RALYL: variants seen among roughly 807,000 people sequenced by gnomAD.
The protein encoded by RALYL is RALY RNA binding protein like.
A neutral mutation model predicts 35.1 loss-of-function variants in RALYL; 29 were observed. The ratio of observed to expected loss-of-function variants is 0.83; its 90% CI spans 0.61 to 1.13. The LOEUF (loss-of-function observed/expected upper bound fraction) is 1.13, where lower values mean the gene tolerates loss of function less well. RALYL is among the 50% of genes most tolerant of loss of function. The pLI, the probability that RALYL is intolerant of heterozygous loss-of-function variation, is 0.00. For synonymous variants in RALYL, 120 were observed against 127.6 expected (o/e 0.94, Z 0.40); for missense variants, 359 against 360.4 (o/e 1.00, Z 0.03).
At chr8:84,585,134 T>A (rs1022175276) in intron 2 of RALYL, among the ~76,000 whole-genome samples, 3 of 152,218 alleles carry the variant, frequency 2.0e-5, no homozygotes, top group Non-Finnish European at 4.4e-5. Flanking sequence ...GTATTTTTTT[T>A]AATAATGGTG....
intron 2 of RALYL, among the ~76,000 whole-genome samples, chr8:84,541,514 A>G (rs1240484202): frequency 6.6e-6 from 1 of 152,030 alleles, no homozygotes; most frequent in African/African-American, 2.4e-5. Flanking sequence ...TTAGTGTTCT[A>G]TATGCAGTTG....
chr8:84,780,961 T>C (rs1467553159), intron 3 of RALYL, among the ~76,000 whole-genome samples: 1 of 152,112 alleles, frequency 6.6e-6, no homozygotes, highest in Non-Finnish European at 1.5e-5. Context: ...CAGGTTCGAG[T>C]GATCTTCCCA....
At chr8:84,801,644 T>C (rs572503875) in intron 3 of RALYL, among the ~76,000 whole-genome samples, 1 of 152,300 alleles carries the variant, frequency 6.6e-6, no homozygotes, top group South Asian at 2.1e-4. Flanking sequence ...AGTATTCTGG[T>C]ATAGATATAT....
At chr8:84,782,025 A>ACG (rs939492590) in intron 3 of RALYL, among the ~76,000 whole-genome samples, 8 of 134,218 alleles carry the variant, frequency 6.0e-5, no homozygotes, top group East Asian at 2.0e-4. Flanking sequence ...TGCTGTGCAC[A>ACG]CGCGCGCACA....
chr8:84,231,727 G>C (rs1344493717), intron 1 of RALYL, among the ~76,000 whole-genome samples: 2 of 152,068 alleles, frequency 1.3e-5, no homozygotes, highest in African/African-American at 2.4e-5. Context: ...TGTAGTTGTT[G>C]GGTTATCATT....
At chr8:84,372,899 T>TGTTTTGTTTTG (rs1344104885) in intron 1 of RALYL, among the ~76,000 whole-genome samples, 5 of 137,252 alleles carry the variant, frequency 3.6e-5, no homozygotes, top group South Asian at 2.3e-4. Flanking sequence ...TTTTTTTTTT[T>TGTTTTGTTTTG]TTTTTTTTTT....
At chr8:84,862,712 G>A (rs901306661) in intron 6 of RALYL, among the ~76,000 whole-genome samples, 3 of 152,156 alleles carry the variant, frequency 2.0e-5, no homozygotes, top group Non-Finnish European at 4.4e-5. Context: ...AAATAACACT[G>A]TGCTCTTGGC....
chr8:84,867,425 C>T (rs1839373578), intron 6 of RALYL, among the ~76,000 whole-genome samples: 1 of 152,150 alleles, frequency 6.6e-6, no homozygotes, highest in African/African-American at 2.4e-5. Context: ...GACATCACTA[C>T]TATTTTTGCT....
At chr8:84,517,233 C>G (rs953543997) in intron 1 of RALYL, among the ~76,000 whole-genome samples, 3 of 152,058 alleles carry the variant, frequency 2.0e-5, no homozygotes, top group Non-Finnish European at 4.4e-5. Context: ...AGAGAATATG[C>G]ATAAAATATG....
At chr8:84,268,577 T>C (rs1431124440) in intron 1 of RALYL, among the ~76,000 whole-genome samples, 1 of 152,210 alleles carries the variant, frequency 6.6e-6, no homozygotes, top group Non-Finnish European at 1.5e-5. Flanking sequence ...AACACAGAAA[T>C]ACCTCTTTTA....
intron 1 of RALYL, among the ~76,000 whole-genome samples, chr8:84,317,273 G>T (rs753280631): frequency 3.9e-5 from 6 of 152,066 alleles, no homozygotes; most frequent in Non-Finnish European, 8.8e-5. Flanking sequence ...TGACCTTAAG[G>T]ATATTAAATC....
At chr8:84,882,341 A>G (rs1166311912) in intron 7 of RALYL, among the ~76,000 whole-genome samples, 1 of 151,964 alleles carries the variant, frequency 6.6e-6, no homozygotes, top group Non-Finnish European at 1.5e-5. Context: ...AAGACTTCAC[A>G]TTTCATTTTT....
intron 1 of RALYL, among the ~76,000 whole-genome samples, chr8:84,256,916 T>C (rs1031674945): frequency 1.9e-4 from 29 of 152,086 alleles, no homozygotes; most frequent in African/African-American, 7.0e-4. Flanking sequence ...GTCTCGCTAA[T>C]ATTATCTATT....
At chr8:84,491,877 T>G (rs1370695500) in intron 1 of RALYL, among the ~76,000 whole-genome samples, 2 of 151,930 alleles carry the variant, frequency 1.3e-5, no homozygotes, top group Non-Finnish European at 2.9e-5. Flanking sequence ...CAATTTTATG[T>G]TTTTATTGGA....
rs143051418 is a variant in RALYL at position 84,838,982 on chromosome 8, G to A, written c.366-10998G>A. ...AAAATTATAAAAACAATTTGGGGGCGGCAGGTGGGGCCAAGATGGCCAAAT... is the reference window on the plus strand; with the variant it reads ...AAAATTATAAAAACAATTTGGGGGCAGCAGGTGGGGCCAAGATGGCCAAAT... On this transcript the variant is annotated intron_variant, in intron 4 of 8. Transcript: ENST00000521268. 4.1e-4 allele frequency among the ~76,000 whole-genome samples: 62 copies of A among 152,194 alleles called. 1 individual carries two copies. Among genetic ancestry groups the A allele is most frequent in the Middle Eastern group, 6.8e-3 (2 of 294 alleles).
chr8:84,855,968 G>T (rs145407578), intron 5 of RALYL, among the ~76,000 whole-genome samples: 1 of 152,118 alleles, frequency 6.6e-6, no homozygotes, highest in Non-Finnish European at 1.5e-5. Context: ...TGCAGTTAAC[G>T]CAAGAACACT....
chr8:84,504,527 T>TA (rs2056995506), intron 1 of RALYL, among the ~76,000 whole-genome samples: 2 of 152,298 alleles, frequency 1.3e-5, no homozygotes, highest in Admixed American at 6.5e-5. Context: ...TCAAATATTC[T>TA]AAAAATATTA....
chr8:84,919,010 T>C (rs1848910019), intron 8 of RALYL, among the ~76,000 whole-genome samples: 2 of 152,060 alleles, frequency 1.3e-5, no homozygotes, highest in African/African-American at 4.8e-5. Context: ...GGTTGTTTTT[T>C]TCATCTTAAC....
At chr8:84,496,701 A>G (rs2056066639) in intron 1 of RALYL, among the ~76,000 whole-genome samples, 1 of 152,074 alleles carries the variant, frequency 6.6e-6, no homozygotes, top group South Asian at 2.1e-4. Flanking sequence ...TCTATCATCT[A>G]TCTATCATCA....
Sources: gnomAD v4.1 joint callset for allele counts (sites outside exome capture counted in the v4.1 genomes callset) on GRCh38, gnomAD v4.1.1 for gene constraint, MANE v1.5 for transcripts, NCBI Gene and HGNC (gene_info 2026-07-23, HGNC 2026-07-21) for gene names.